The following SPOCK3 variants were observed in gnomAD, a reference collection of about 807,000 sequenced individuals.
SPOCK3 encodes SPARC (osteonectin), cwcv and kazal like domains proteoglycan 3.
SPOCK3 carries 30 observed loss-of-function variants against 56.6 expected under a neutral mutation model. That is an observed-to-expected ratio of 0.53 (90% CI 0.40 to 0.72). SPOCK3 has a LOEUF of 0.72. SPOCK3 is among the 30% of genes least tolerant of loss of function. The probability of loss-of-function intolerance (pLI) is 0.00; values close to 1 mark genes in which losing one functional copy is unlikely to be tolerated. For missense variants in SPOCK3, 527 were observed against 530.0 expected (o/e 0.99, Z 0.06); for synonymous variants, 196 against 183.3 (o/e 1.07, Z -0.56).
At position 166,941,969 on chromosome 4, in the gene SPOCK3, A is replaced by G. The variant is rs560747949; in HGVS notation, c.351-29226T>C. ...AGCTGCACTCAGACATCTGACTCATAGAAACTGAGATGAGTATTTGCTGTT... is the reference window on the plus strand; with the variant it reads ...AGCTGCACTCAGACATCTGACTCATGGAAACTGAGATGAGTATTTGCTGTT... On this transcript the variant is annotated intron_variant, in intron 4 of 10. Coordinates refer to ENST00000357545, the MANE Select transcript of SPOCK3 (RefSeq NM_001040159.2). 4.6e-5 allele frequency among the ~76,000 whole-genome samples: 7 copies of G among 152,316 alleles called. No homozygotes were observed. In the South Asian group the frequency reaches 1.4e-3, roughly 32 times the overall value.
intron 4 of SPOCK3, among the ~76,000 whole-genome samples, chr4:166,977,458 A>T (rs1287411016): frequency 2.6e-5 from 4 of 152,056 alleles, no homozygotes; most frequent in African/African-American, 4.8e-5. Flanking sequence ...AGAACTATTT[A>T]TGAATGTTCA....
intron 6 of SPOCK3, among the ~76,000 whole-genome samples, chr4:166,871,710 T>C (rs1732498631): frequency 6.6e-6 from 1 of 151,670 alleles, no homozygotes; most frequent in Non-Finnish European, 1.5e-5. Flanking sequence ...AAGACAGTCT[T>C]TGCCCTAATA....
chr4:166,946,425 C>G (rs148512231), intron 4 of SPOCK3, among the ~76,000 whole-genome samples: 1 of 152,198 alleles, frequency 6.6e-6, no homozygotes, highest in Non-Finnish European at 1.5e-5. Context: ...TGCTCCTGCG[C>G]GTTGGCCTTC....
intron 3 of SPOCK3, among the ~76,000 whole-genome samples, chr4:167,039,480 T>A (rs534988560): frequency 6.6e-6 from 1 of 152,262 alleles, no homozygotes; most frequent in South Asian, 2.1e-4. Context: ...AATTAACAAC[T>A]AGCACATTAT....
intron 2 of SPOCK3, among the ~76,000 whole-genome samples, chr4:167,222,647 T>G (rs1288841974): frequency 1.4e-5 from 2 of 139,200 alleles, no homozygotes; most frequent in East Asian, 2.1e-4. Flanking sequence ...TATTATATAT[T>G]CATATATAAA....
chr4:166,882,785 G>A (rs1442952697), intron 6 of SPOCK3: 1 of 152,100 alleles, frequency 6.6e-6, no homozygotes, highest in Non-Finnish European at 1.5e-5. Context: ...CTTCAGAGAA[G>A]ACATTGAAAA....
At chr4:166,950,539 T>C (rs962331586) in intron 4 of SPOCK3, among the ~76,000 whole-genome samples, 12 of 151,998 alleles carry the variant, frequency 7.9e-5, no homozygotes, top group South Asian at 4.2e-4. Flanking sequence ...GACAGAAAGT[T>C]AACAAGAATA....
chr4:166,995,195 T>G (rs1748222365), intron 4 of SPOCK3, among the ~76,000 whole-genome samples: 1 of 152,038 alleles, frequency 6.6e-6, no homozygotes, highest in African/African-American at 2.4e-5. Flanking sequence ...GTCATCTTAC[T>G]TCCAACTATT....
intron 3 of SPOCK3, among the ~76,000 whole-genome samples, chr4:167,059,812 C>T (rs1418716978): frequency 6.6e-6 from 1 of 152,152 alleles, no homozygotes; most frequent in Non-Finnish European, 1.5e-5. Context: ...CCATGGAATA[C>T]TATGCAGCCA....
chr4:167,208,772 T>C (rs920244607), intron 2 of SPOCK3, among the ~76,000 whole-genome samples: 1 of 152,120 alleles, frequency 6.6e-6, no homozygotes, highest in Non-Finnish European at 1.5e-5. Flanking sequence ...ATTTTATCTG[T>C]GAAAAGGAAT....
intron 5 of SPOCK3, among the ~76,000 whole-genome samples, chr4:166,895,738 T>C (rs1269216520): frequency 6.6e-6 from 1 of 152,320 alleles, no homozygotes; most frequent in Middle Eastern, 3.4e-3. Context: ...CCAAGATACA[T>C]GTGAAATGAT....
chr4:167,058,366 A>G (rs1413617036), intron 3 of SPOCK3, among the ~76,000 whole-genome samples: 1 of 152,216 alleles, frequency 6.6e-6, no homozygotes, highest in Non-Finnish European at 1.5e-5. Context: ...ACAGGCAAAC[A>G]GAAAGCCAAA....
At chr4:166,949,718 T>C (rs1182575923) in intron 4 of SPOCK3, among the ~76,000 whole-genome samples, 2 of 151,706 alleles carry the variant, frequency 1.3e-5, no homozygotes, top group Admixed American at 1.3e-4. Context: ...CTCAGAGGAG[T>C]ACCCGGCTGT....
At chr4:166,884,209 C>T (rs1248365863) in intron 6 of SPOCK3, among the ~76,000 whole-genome samples, 2 of 151,744 alleles carry the variant, frequency 1.3e-5, no homozygotes, top group Non-Finnish European at 2.9e-5. Context: ...AAAAATTAAC[C>T]GGGCGTGGTG....
At chr4:167,160,583 A>C (rs1765208234) in intron 2 of SPOCK3, among the ~76,000 whole-genome samples, 1 of 145,006 alleles carries the variant, frequency 6.9e-6, no homozygotes, top group Non-Finnish European at 1.5e-5. Flanking sequence ...CGCATCGCCA[A>C]GTAATCCTAA....
intron 2 of SPOCK3, among the ~76,000 whole-genome samples, chr4:167,109,236 T>A (rs1675671676): frequency 1.1e-5 from 1 of 88,836 alleles, no homozygotes; most frequent in African/African-American, 4.6e-5. Flanking sequence ...TAATATATAT[T>A]TAATATTTAT....
chr4:167,087,725 A>C (rs1409654487), intron 2 of SPOCK3, among the ~76,000 whole-genome samples: 1 of 152,210 alleles, frequency 6.6e-6, no homozygotes, highest in Non-Finnish European at 1.5e-5. Context: ...ACCATTATTG[A>C]CATGGAAGAT....
intron 6 of SPOCK3, among the ~76,000 whole-genome samples, chr4:166,809,172 AAT>A (rs951942994): frequency 6.6e-6 from 1 of 151,752 alleles, no homozygotes; most frequent in Non-Finnish European, 1.5e-5. Flanking sequence ...TAATGTGCTC[AAT>A]ATATATATAT....
chr4:166,891,053 T>C (rs991353405), intron 5 of SPOCK3, among the ~76,000 whole-genome samples: 2 of 152,032 alleles, frequency 1.3e-5, no homozygotes, highest in East Asian at 1.9e-4. Flanking sequence ...AAGTCTGTTT[T>C]ATCAGAGATT....
Sources: gnomAD v4.1 joint callset for allele counts (sites outside exome capture counted in the v4.1 genomes callset) on GRCh38, gnomAD v4.1.1 for gene constraint, MANE v1.5 for transcripts, NCBI Gene and HGNC (gene_info 2026-07-23, HGNC 2026-07-21) for gene names.